The following DTX2 variants were observed in gnomAD, a reference collection of about 807,000 sequenced individuals.
The protein encoded by DTX2 is probable E3 ubiquitin-protein ligase DTX2.
DTX2 carries 29 observed loss-of-function variants against 55.3 expected under a neutral mutation model. The ratio of observed to expected loss-of-function variants is 0.52; its 90% CI spans 0.39 to 0.71. The LOEUF (loss-of-function observed/expected upper bound fraction) is 0.71, where lower values mean the gene tolerates loss of function less well. Ranked by LOEUF, DTX2 falls within the 30% of genes least tolerant of loss-of-function variation. The probability of loss-of-function intolerance (pLI) is 0.00; values close to 1 mark genes in which losing one functional copy is unlikely to be tolerated. For missense variants in DTX2, 537 were observed against 822.5 expected, an observed-to-expected ratio of 0.65 and a Z score of 4.25; for synonymous variants, 276 against 340.4, an observed-to-expected ratio of 0.81 and a Z score of 2.08.
At chr7:76,478,522 C>T (rs1808798091) in intron 2 of DTX2, among the ~76,000 whole-genome samples, 1 of 148,952 alleles carries the variant, frequency 6.7e-6, no homozygotes, top group East Asian at 2.0e-4. Flanking sequence ...AAGCCATCCT[C>T]CTGCCTCAGC....
rs1293580582 is a variant in DTX2, at chr7:76,505,321, C to T, written c.1642-53C>T. On this transcript the variant is annotated intron_variant, in intron 10 of 10. Transcript: ENST00000430490. This position sits in a 1 kb window ranked among gnomAD's most constrained non-coding sequence, Gnocchi z 4.4. Reference sequence around the variant, plus strand: ...GCCAACCCGTGCCTGCTCACTGAGCCCCTCTCACTCTCCGTCCCCTCCTTC... The same window carrying T: ...GCCAACCCGTGCCTGCTCACTGAGCTCCTCTCACTCTCCGTCCCCTCCTTC... 89 of 1,448,450 alleles carry T rather than the reference C, an allele frequency of 6.1e-5. No homozygotes were observed. Among genetic ancestry groups the T allele is most frequent in the Non-Finnish European group, 7.9e-5 (84 of 1,060,210 alleles). 89.7% of individuals were successfully genotyped at this position (1,448,450 alleles called of 1,614,324 possible).
At chr7:76,467,047 C>T (rs1367211071) in intron 2 of DTX2, among the ~76,000 whole-genome samples, 1 of 152,050 alleles carries the variant, frequency 6.6e-6, no homozygotes, top group Non-Finnish European at 1.5e-5. Context: ...ACTACAGGCA[C>T]AGGCTACCAT....
At chr7:76,483,251 G>T in intron 4 of DTX2, 104 bp downstream of exon 4, 2 of 1,365,798 alleles carry the variant, frequency 1.5e-6, no homozygotes, top group Non-Finnish European at 1.9e-6. Flanking sequence ...CCCCTAGGTG[G>T]TCCTGCCGTG....
chr7:76,486,815 G>A (rs1327657167), intron 4 of DTX2, among the ~76,000 whole-genome samples: 6 of 135,216 alleles, frequency 4.4e-5, no homozygotes, highest in African/African-American at 1.6e-4. Flanking sequence ...GCAAAACGGC[G>A]CTCAGCTCTT....
At position 76,502,414 on chromosome 7, in the gene DTX2, C is replaced by T. The variant is rs1421564893; in HGVS notation, c.1347C>T (p.Phe449=). 1 of 1,612,592 alleles carries T rather than the reference C, an allele frequency of 6.2e-7. No homozygotes were observed. The highest frequency in any genetic ancestry group is 8.5e-7 in the Non-Finnish European group (1 of 1,179,972). The change falls in exon 8 of 11, where the codon TTC becomes TTT. Residue 449 remains phenylalanine (F), a synonymous_variant. Transcript: ENST00000430490. Reference sequence around the variant, plus strand: ...ACCTCACCAAGTGCAGCCATGCCTTCCACCTGCTGTGCCTCCTGGCCATGT... The same window carrying T: ...ACCTCACCAAGTGCAGCCATGCCTTTCACCTGCTGTGCCTCCTGGCCATGT... ...VGHLTKCSHA[F]HLLCLLAMYC... is the part of the protein sequence containing the mutation.
chr7:76,466,738 A>G (rs1182330683), intron 2 of DTX2, among the ~76,000 whole-genome samples: 3 of 152,278 alleles, frequency 2.0e-5, no homozygotes, highest in African/African-American at 7.2e-5. Flanking sequence ...AGCTAGGATT[A>G]CAGGCATGCG....
chr7:76,468,014 A>G (rs1162575873), intron 2 of DTX2, among the ~76,000 whole-genome samples: 2 of 152,278 alleles, frequency 1.3e-5, no homozygotes, highest in South Asian at 2.1e-4. Context: ...GGTGATCTGT[A>G]TGCAAGGGAA....
intron 9 of DTX2, among the ~76,000 whole-genome samples, chr7:76,503,816 C>G (rs1344933580): frequency 6.6e-6 from 1 of 150,584 alleles, no homozygotes; most frequent in Non-Finnish European, 1.5e-5. Flanking sequence ...CCACTCTTTC[C>G]TGAACCAAGG....
At chr7:76,482,026 G>A (rs1349568545) in intron 3 of DTX2, among the ~76,000 whole-genome samples, 2 of 152,204 alleles carry the variant, frequency 1.3e-5, no homozygotes, top group East Asian at 3.9e-4. Context: ...CAGGAGTGTC[G>A]TAGAGTCTGT....
chr7:76,505,567 AG>A lies in DTX2; in HGVS notation c.1840del (p.Val614Ter). 1.3e-6 allele frequency: 2 copies of A among 1,595,158 alleles called. No homozygotes were observed. On this transcript the variant is annotated frameshift_variant, in exon 11 of 11. Coordinates refer to ENST00000430490, the MANE Select transcript of DTX2 (RefSeq NM_001102594.3). LOFTEE classifies it high-confidence loss of function. The surrounding 1 kb of genome is among the most constrained non-coding windows in gnomAD (Gnocchi z 4.4). Reference protein sequence around the residue: ...LQNVLAELAAQGVTEDCLEQQ With the variant: ...LQNVLAELAAXGVTEDCLEQQ ...AACGTGCTGGCTGAGCTGGCTGCCC[AG>A]GGGGTGACCGAGGACTGCCTGGAGC...
intron 4 of DTX2, among the ~76,000 whole-genome samples, chr7:76,491,206 C>G (rs1810393478): frequency 6.6e-6 from 1 of 151,564 alleles, no homozygotes; most frequent in South Asian, 2.1e-4. Flanking sequence ...CCATCTTGGC[C>G]AGGCTGGTCT....
At chr7:76,498,950 G>GAA (rs1811291712) in intron 6 of DTX2, among the ~76,000 whole-genome samples, 2 of 60,276 alleles carry the variant, frequency 3.3e-5, no homozygotes, top group Non-Finnish European at 6.2e-5. Context: ...ATGGAGGTGG[G>GAA]TGTGTGGGGT....
chr7:76,499,856 C>T (rs1811439703), intron 6 of DTX2: 1 of 253,444 alleles, frequency 3.9e-6, no homozygotes, highest in South Asian at 3.6e-5. Flanking sequence ...ACGTCTTGGC[C>T]CCTCCCCAGA....
chr7:76,503,451 G>A lies in DTX2; in HGVS notation c.1415G>A (p.Cys472Tyr). The A allele has an allele frequency of 1.2e-6, 2 of 1,612,870 alleles. No individual in the cohort carries two copies. The highest frequency in any genetic ancestry group is 1.7e-4 in the Middle Eastern group (1 of 6,036). ...GATGGAAGTCTGCAGTGTCCCTCCT[G>A]CAAAACCATCTATGGAGAGAAGACG... ...NKDGSLQCPS[C>Y]KTIYGEKTGT... is the part of the protein sequence containing the mutation. The change falls in exon 9 of 11, where the codon TGC (cysteine) becomes TAC (tyrosine). Residue 472 changes from cysteine (C) to tyrosine (Y), a missense_variant. Physicochemically the swap from Cys to Tyr is radical, Grantham distance 194 (BLOSUM62 -2). Coordinates refer to ENST00000430490, the MANE Select transcript of DTX2 (RefSeq NM_001102594.3).
In DTX2 at chr7:76,488,110, A is replaced by G. The variant is rs1213868521; in HGVS notation, c.909-4043A>G. Among the ~76,000 whole-genome samples, 3 of 80,772 alleles carry G rather than the reference A, an allele frequency of 3.7e-5. 1 individual carries two copies. Among genetic ancestry groups the G allele is most frequent in the Non-Finnish European group, 7.5e-5 (3 of 40,248 alleles). The allele number at this position is 80,772 out of a possible 152,430, so 53.0% of individuals were successfully genotyped here. A position where few individuals can be genotyped will look rare whatever the true frequency, so the allele number is the denominator to read the frequency against. ...CACACCGGGGAGGAACTGCGATTATATGGGGGAAGTGGTGACATTTTTAGA... is the reference window on the plus strand; with the variant it reads ...CACACCGGGGAGGAACTGCGATTATGTGGGGGAAGTGGTGACATTTTTAGA... On this transcript the variant is annotated intron_variant, in intron 4 of 10. Transcript: ENST00000430490.
At chr7:76,481,189 CTT>C (rs11320055) in intron 3 of DTX2, among the ~76,000 whole-genome samples, 122 of 143,864 alleles carry the variant, frequency 8.5e-4, no homozygotes, top group Middle Eastern at 3.6e-3. Context: ...GTGTTTTGAT[CTT>C]TTTTTTTTTT....
At position 76,495,665 on chromosome 7, in the gene DTX2, G is replaced by T. The variant is rs570077712; in HGVS notation, c.1010-1672G>T. On this transcript the variant is annotated intron_variant, in intron 5 of 10. Coordinates refer to ENST00000430490, the MANE Select transcript of DTX2 (RefSeq NM_001102594.3). ...GGGCTGCAGGCTTCCCAGGGATCAG[G>T]CACTGCCCCAGCGGGGTGCTGGAGA... is the stretch of plus-strand genomic sequence containing the variant. 9.1e-3 allele frequency among the ~76,000 whole-genome samples: 1,364 copies of T among 149,964 alleles called. 13 individuals are homozygous for T. Among genetic ancestry groups the T allele is most frequent in the Non-Finnish European group, 0.013 (905 of 67,444 alleles).
chr7:76,483,014 C>T lies in DTX2; in HGVS notation c.775C>T (p.Pro259Ser). ...CTCACTCTCCGGGGCCCGGTCTGCG[C>T]CCAGGCTGAACACCACCAACGCCTG... ...KPSLSGARSA[P>S]RLNTTNAWGA... is the part of the protein sequence containing the mutation. Residue 259 changes from proline to serine, a missense_variant, in exon 4 of 11, where the codon CCC becomes TCC. This residue lies in a region of DTX2 where 301 missense variants were observed against 396.6 expected (regional missense o/e 0.76). Coordinates refer to ENST00000430490, the MANE Select transcript of DTX2 (RefSeq NM_001102594.3). 5 of 1,613,564 alleles carry T rather than the reference C, an allele frequency of 3.1e-6. No homozygotes were observed. The highest frequency in any genetic ancestry group is 4.2e-6 in the Non-Finnish European group (5 of 1,179,714).
chr7:76,481,760 A>C (rs1809246588), intron 3 of DTX2, among the ~76,000 whole-genome samples: 1 of 151,294 alleles, frequency 6.6e-6, no homozygotes, highest in Non-Finnish European at 1.5e-5. Flanking sequence ...CAGTGTCACC[A>C]GTGAGGAAAC....
Sources: gnomAD v4.1 joint callset for allele counts (sites outside exome capture counted in the v4.1 genomes callset) on GRCh38, gnomAD v4.1.1 for gene constraint, gnomAD v4.1.1 regional missense constraint, Gnocchi (gnomAD v3.1) non-coding constraint, MANE v1.5 for transcripts, NCBI Gene and HGNC (gene_info 2026-07-23, HGNC 2026-07-21) for gene names.